The following ADAMTSL1 variants were observed in gnomAD, a reference collection of about 807,000 sequenced individuals.
ADAMTSL1 encodes the protein ADAMTS-like protein 1.
Under a neutral mutation model 201.8 loss-of-function variants are expected in ADAMTSL1, and 126 were observed. That is an observed-to-expected ratio of 0.62 (90% CI 0.54 to 0.72). The LOEUF is 0.72. Among genes scored for constraint, ADAMTSL1 ranks in the 30% least tolerant of loss-of-function variants. The pLI, the probability that ADAMTSL1 is intolerant of heterozygous loss-of-function variation, is 0.00. For missense variants in ADAMTSL1, 2,679 were observed against 2,277.8 expected, an observed-to-expected ratio of 1.18 and a Z score of -3.59; for synonymous variants, 1,121 against 903.4, an observed-to-expected ratio of 1.24 and a Z score of -4.32.
At chr9:18,670,846 G>T (rs1829763450) in intron 9 of ADAMTSL1, among the ~76,000 whole-genome samples, 1 of 152,054 alleles carries the variant, frequency 6.6e-6, no homozygotes, top group Non-Finnish European at 1.5e-5. Context: ...TATCCATGGG[G>T]GATTGGTTCC....
intron 2 of ADAMTSL1, among the ~76,000 whole-genome samples, chr9:18,371,985 T>G (rs1837063873): frequency 6.6e-6 from 1 of 152,222 alleles, no homozygotes; most frequent in Non-Finnish European, 1.5e-5. Context: ...ATAGCCTGTT[T>G]TATTATAAAA....
chr9:18,653,788 C>T (rs1278976316), intron 7 of ADAMTSL1, among the ~76,000 whole-genome samples: 7 of 152,182 alleles, frequency 4.6e-5, no homozygotes, highest in African/African-American at 1.7e-4. Flanking sequence ...AATGCCTAAT[C>T]TTAGCATTTC....
chr9:18,497,553 T>C (rs1018438691), intron 1 of ADAMTSL1, among the ~76,000 whole-genome samples: 10 of 152,234 alleles, frequency 6.6e-5, no homozygotes, highest in Admixed American at 6.5e-4. Context: ...ATAATATTTA[T>C]ATTAATATTC....
intron 1 of ADAMTSL1, among the ~76,000 whole-genome samples, chr9:17,965,096 T>A (rs1368832270): frequency 2.6e-5 from 4 of 152,144 alleles, no homozygotes. Flanking sequence ...CAATAACATA[T>A]AATGGACAAC....
chr9:18,133,359 C>T (rs1279611929), intron 1 of ADAMTSL1, among the ~76,000 whole-genome samples: 1 of 152,100 alleles, frequency 6.6e-6, no homozygotes, highest in Non-Finnish European at 1.5e-5. Context: ...GACAGTGATC[C>T]CTCTGTATCT....
chr9:18,643,961 A>G (rs559292489), intron 7 of ADAMTSL1, among the ~76,000 whole-genome samples: 1 of 151,988 alleles, frequency 6.6e-6, no homozygotes, highest in South Asian at 2.1e-4. Flanking sequence ...ATCTGTAGAT[A>G]GTGTTGGGTA....
chr9:18,713,719 G>A (rs1832745129), intron 14 of ADAMTSL1, among the ~76,000 whole-genome samples: 2 of 148,866 alleles, frequency 1.3e-5, no homozygotes. Context: ...GGATACCCAG[G>A]AATTGAACTC....
At chr9:18,473,968 C>CT (rs932431077), upstream of ADAMTSL1, 5 of 437,972 alleles carry the variant, frequency 1.1e-5, no homozygotes, top group Middle Eastern at 5.9e-4. Context: ...CACCGTTACA[C>CT]TTTCTCTGTC....
chr9:18,387,851 C>G (rs955616339), intron 2 of ADAMTSL1, among the ~76,000 whole-genome samples: 1 of 152,034 alleles, frequency 6.6e-6, no homozygotes, highest in African/African-American at 2.4e-5. Context: ...TTTGTTTTAT[C>G]TATCTATCGA....
chr9:18,029,684 C>T (rs1365556062), intron 1 of ADAMTSL1, among the ~76,000 whole-genome samples: 3 of 151,946 alleles, frequency 2.0e-5, no homozygotes, highest in African/African-American at 7.3e-5. Flanking sequence ...CTACAATGAA[C>T]TCAAACAAAT....
intron 2 of ADAMTSL1, among the ~76,000 whole-genome samples, chr9:18,282,046 A>G (rs915880828): frequency 5.3e-5 from 8 of 152,092 alleles, no homozygotes; most frequent in African/African-American, 1.4e-4. Flanking sequence ...TTGGGCTTCT[A>G]GTGTACCCAT....
intron 2 of ADAMTSL1, among the ~76,000 whole-genome samples, chr9:18,384,302 A>G (rs1837692565): frequency 6.6e-6 from 1 of 152,128 alleles, no homozygotes; most frequent in Non-Finnish European, 1.5e-5. Flanking sequence ...AAACCGCCAT[A>G]TCTCATGAGA....
intron 20 of ADAMTSL1, among the ~76,000 whole-genome samples, chr9:18,812,550 A>G (rs1401937408): frequency 6.6e-6 from 1 of 152,238 alleles, no homozygotes; most frequent in Non-Finnish European, 1.5e-5. Context: ...ACTTGCTATC[A>G]AAAGCATAAT....
chr9:18,422,504 C>T (rs1270170506), intron 2 of ADAMTSL1, among the ~76,000 whole-genome samples: 11 of 152,158 alleles, frequency 7.2e-5, no homozygotes, highest in Non-Finnish European at 1.5e-4. Flanking sequence ...GAACTGGCCC[C>T]GCTTTCCTGA....
intron 2 of ADAMTSL1, among the ~76,000 whole-genome samples, chr9:18,397,443 A>G (rs1817800507): frequency 6.6e-6 from 1 of 152,210 alleles, no homozygotes; most frequent in South Asian, 2.1e-4. Flanking sequence ...CTCAAGATGA[A>G]AAATCTAATA....
rs2133716963 is a variant in ADAMTSL1, at chr9:18,770,758, T to C, written c.2374T>C (p.Trp792Arg). Residue 792 changes from tryptophan to arginine, a missense_variant, in exon 17 of 29, where the codon TGG (tryptophan) becomes CGG (arginine). Coordinates refer to ENST00000380548, the MANE Select transcript of ADAMTSL1 (RefSeq NM_001040272.6). Reference protein sequence around the residue: ...ACKKDDCPSEWLLSDWTECST... With the variant: ...ACKKDDCPSERLLSDWTECST... ...CAAGAAAGATGACTGTCCCAGCGAG[T>C]GGCTTCTCTCAGACTGGACAGAGGT... 2.5e-6 allele frequency: 4 copies of C among 1,613,780 alleles called. No individual in the cohort carries two copies. The highest frequency in any genetic ancestry group is 3.4e-6 in the Non-Finnish European group (4 of 1,179,846).
At chr9:18,403,217 C>T (rs866747106) in intron 2 of ADAMTSL1, among the ~76,000 whole-genome samples, 29 of 151,480 alleles carry the variant, frequency 1.9e-4, no homozygotes, top group African/African-American at 7.0e-4. Context: ...GGAGTCTTGC[C>T]CTGTTGCCCA....
intron 1 of ADAMTSL1, among the ~76,000 whole-genome samples, chr9:18,040,442 C>G (rs1255866893): frequency 6.6e-6 from 1 of 152,142 alleles, no homozygotes; most frequent in Non-Finnish European, 1.5e-5. Context: ...GGCTGTGGCT[C>G]ATGCATGCAA....
At chr9:18,116,864 C>T (rs557253534) in intron 1 of ADAMTSL1, among the ~76,000 whole-genome samples, 1 of 152,312 alleles carries the variant, frequency 6.6e-6, no homozygotes, top group Non-Finnish European at 1.5e-5. Context: ...TGGTATCCAC[C>T]TGTCTTCTTG....
Sources: allele counts gnomAD v4.1 joint callset (sites outside exome capture counted in the v4.1 genomes callset), GRCh38; gene constraint gnomAD v4.1.1; transcripts MANE v1.5; gene names NCBI Gene and HGNC (gene_info 2026-07-23, HGNC 2026-07-21).